Variants in DMAP1 observed in about 807,000 individuals in gnomAD.
DMAP1 encodes DNA methyltransferase 1 associated protein 1, also known as DNA methyltransferase 1-associated protein 1.
DMAP1 carries 26 observed loss-of-function variants against 52.7 expected under a neutral mutation model. The ratio of observed to expected loss-of-function variants is 0.49; its 90% confidence interval spans 0.36 to 0.68. The LOEUF is 0.68. DMAP1 is among the 30% of genes least tolerant of loss of function. DMAP1 has a pLI of 0.00. For synonymous variants in DMAP1, 231 were observed against 246.0 expected (o/e 0.94, Z 0.57); for missense variants, 439 against 625.2 (o/e 0.70, Z 3.18).
intron 9 of DMAP1, 42 bp from the exon 10 acceptor site, chr1:44,220,517 C>T (rs371787882): frequency 1.2e-6 from 2 of 1,614,038 alleles, no homozygotes; most frequent in African/African-American, 1.3e-5. Context: ...TGACTCAGGC[C>T]TTGGGGGGTC....
chr1:44,217,459 A>AC (rs1643817837), intron 3 of DMAP1: 1 of 152,204 alleles, frequency 6.6e-6, no homozygotes, highest in African/African-American at 2.4e-5. Context: ...GAAGGGGAGG[A>AC]GTCAAGGGGA....
intron 3 of DMAP1, chr1:44,217,878 G>A: frequency 3.8e-6 from 1 of 260,436 alleles, no homozygotes; most frequent in South Asian, 4.6e-5. Context: ...AACTCTGGGG[G>A]AGTGGCAAGT....
intron 1 of DMAP1, among the ~76,000 whole-genome samples, 193 bp from the exon 2 acceptor site, chr1:44,214,156 TG>T (rs1450282402): frequency 1.3e-5 from 2 of 151,990 alleles, no homozygotes; most frequent in African/African-American, 2.4e-5. Flanking sequence ...TGAGAGTTGG[TG>T]GGATGGGGAG....
chr1:44,219,740 T>A, intron 7 of DMAP1, 66 bp from the exon 8 acceptor site: 1 of 1,579,556 alleles, frequency 6.3e-7, no homozygotes, highest in South Asian at 1.1e-5. Flanking sequence ...TCCCTCTGCC[T>A]TTTGTCCCCT....
In DMAP1 at chr1:44,213,677, C is replaced by T; in HGVS notation, c.-77C>T. The T allele has an allele frequency of 7.1e-7, 1 of 1,401,456 alleles. No homozygotes were observed. Among genetic ancestry groups the T allele is most frequent in the Non-Finnish European group, 9.8e-7 (1 of 1,016,350 alleles). The allele number at this position is 1,401,456 out of a possible 1,614,324, so 86.8% of individuals were successfully genotyped here. A position where few individuals can be genotyped will look rare whatever the true frequency, so the allele number is the denominator to read the frequency against. On this transcript the variant is annotated 5_prime_UTR_variant, in exon 1 of 10. Coordinates refer to ENST00000372289, the MANE Select transcript of DMAP1 (RefSeq NM_019100.5). The surrounding 1 kb of genome is among the most constrained non-coding windows in gnomAD (Gnocchi z 4.5). ...CCTCCGCTTAGGTCTGGATTGGCCC[C>T]GCCCCCTGACCTGAGCCTGGTCCTT... is the stretch of plus-strand genomic sequence containing the variant.
rs1643754011 is a variant in DMAP1 at position 44,214,746 on chromosome 1, C to T, written c.241C>T (p.Arg81Cys). The T allele has an allele frequency of 7.4e-6, 12 of 1,613,722 alleles. No homozygotes were observed. Among genetic ancestry groups the T allele is most frequent in the Admixed American group, 1.7e-5 (1 of 60,000 alleles). Residue 81 changes from arginine (R) to cysteine (C), a missense_variant, in exon 3 of 10, where the codon CGT becomes TGT. By Grantham distance (180) the Arg-to-Cys change is radical. Around this residue, in one of 3 missense-constraint regions of DMAP1, gnomAD observed 118 missense variants for 189.8 expected, o/e 0.62. Coordinates refer to ENST00000372289, the MANE Select transcript of DMAP1 (RefSeq NM_019100.5). ...ACCCAGTGACACTGGCCAGGGATAC[C>T]GTACAGTGAAGGCCAAGTTGGGCTC... ...LLPSDTGQGY[R>C]TVKAKLGSKK...
rs765869837 is a variant in DMAP1, at chr1:44,219,196, G to T, written c.861G>T (p.Lys287Asn). The T allele has an allele frequency of 6.2e-7, 1 of 1,613,912 alleles. No individual in the cohort carries two copies. Among genetic ancestry groups the T allele is most frequent in the Non-Finnish European group, 8.5e-7 (1 of 1,179,976 alleles). The part of the protein sequence containing the change: ...TTAEQRRTER[K>N]APKKKLPQKK... Reference sequence around the variant, plus strand: ...CAGAGCAGCGGCGCACGGAACGCAAGGCCCCCAAAAAGAAGCTACCCCAGA... The same window carrying T: ...CAGAGCAGCGGCGCACGGAACGCAATGCCCCCAAAAAGAAGCTACCCCAGA... The change falls in exon 6 of 10, where the codon AAG becomes AAT. Residue 287 changes from lysine to asparagine, a missense_variant. By Grantham distance (94) the Lys-to-Asn change is moderately conservative. This residue lies in a region of DMAP1 where 179 missense variants were observed against 285.9 expected (regional missense o/e 0.63). Coordinates refer to ENST00000372289, the MANE Select transcript of DMAP1 (RefSeq NM_019100.5).
Position 44,218,246 on chromosome 1 carries a change from G to T in DMAP1, c.394-65G>T. Reference sequence around the variant, plus strand: ...AACAGGAGCAGCTGTGGTCACTGGGGCCTGGAGCCTGCTGGACATGACATC... The same window carrying T: ...AACAGGAGCAGCTGTGGTCACTGGGTCCTGGAGCCTGCTGGACATGACATC... On this transcript the variant is annotated intron_variant, in intron 3 of 9. Coordinates refer to ENST00000372289, the MANE Select transcript of DMAP1 (RefSeq NM_019100.5). This position sits in a 1 kb window ranked among gnomAD's most constrained non-coding sequence, Gnocchi z 5.6. 1.2e-6 allele frequency: 2 copies of T among 1,609,456 alleles called. No individual in the cohort carries two copies. The highest frequency in any genetic ancestry group is 8.5e-7 in the Non-Finnish European group (1 of 1,175,808).
chr1:44,218,521 C>T lies in DMAP1; in HGVS notation c.552+52C>T. 1 of 1,609,588 alleles carries T rather than the reference C, an allele frequency of 6.2e-7. No individual in the cohort carries two copies. Among genetic ancestry groups the T allele is most frequent in the Non-Finnish European group, 8.5e-7 (1 of 1,176,404 alleles). ...GCCCAGCTTCTGGGTCTAGCAGGCC[C>T]TACTTTTATGCCATCTCTTCCACAT... On this transcript the variant is annotated intron_variant, in intron 4 of 9. Transcript: ENST00000372289. This position sits in a 1 kb window ranked among gnomAD's most constrained non-coding sequence, Gnocchi z 5.6.
chr1:44,217,140 T>C (rs865808375), intron 3 of DMAP1: 2 of 152,244 alleles, frequency 1.3e-5, no homozygotes, highest in African/African-American at 2.4e-5. Context: ...TTCTTCATAT[T>C]AGATTCAACA....
In DMAP1 at chr1:44,213,614, G is replaced by A; in HGVS notation, c.-140G>A. On this transcript the variant is annotated 5_prime_UTR_variant, in exon 1 of 10. Transcript: ENST00000372289. This position sits in a 1 kb window ranked among gnomAD's most constrained non-coding sequence, Gnocchi z 4.5. The stretch of plus-strand genomic sequence containing the variant: ...CACAGGCAGATCCCCGACCTGACCT[G>A]GACCACCCTTCTCCTCTTGGCCCGC... The A allele has an allele frequency of 1.4e-6, 1 of 715,564 alleles. No homozygotes were observed. Among genetic ancestry groups the A allele is most frequent in the South Asian group, 1.8e-5 (1 of 55,004 alleles). 44.3% of individuals were successfully genotyped at this position (715,564 alleles called of 1,614,324 possible).
intron 3 of DMAP1, chr1:44,217,704 T>C (rs1643822479): frequency 1.0e-5 from 2 of 190,580 alleles, no homozygotes; most frequent in African/African-American, 4.6e-5. Flanking sequence ...TGATGTAGTC[T>C]AGCACTGACT....
intron 3 of DMAP1, 71 bp downstream of exon 3, chr1:44,214,969 G>A: frequency 6.3e-7 from 1 of 1,577,254 alleles, no homozygotes; most frequent in East Asian, 2.3e-5. Flanking sequence ...GAGCTCTCCA[G>A]TCTCCTAGGG....
chr1:44,215,231 A>G (rs922726546), intron 3 of DMAP1: 2 of 490,334 alleles, frequency 4.1e-6, no homozygotes, highest in Non-Finnish European at 8.0e-6. Context: ...TACCCTCTCT[A>G]CAAGTCACCA....
At position 44,213,888 on chromosome 1, in the gene DMAP1, G is replaced by A; in HGVS notation, c.105+30G>A. The A allele has an allele frequency of 4.5e-6, 7 of 1,547,490 alleles. No individual in the cohort carries two copies. Among genetic ancestry groups the A allele is most frequent in the Non-Finnish European group, 6.1e-6 (7 of 1,142,022 alleles). Reference sequence around the variant, plus strand: ...CAGGGGCACCTGAAAGCGTTGACTAGGGGAGGGTAGGGGAGTGAAGATGGG... The same window carrying A: ...CAGGGGCACCTGAAAGCGTTGACTAAGGGAGGGTAGGGGAGTGAAGATGGG... On this transcript the variant is annotated intron_variant, in intron 1 of 9. Transcript: ENST00000372289. The surrounding 1 kb of genome is among the most constrained non-coding windows in gnomAD (Gnocchi z 4.5).
intron 3 of DMAP1, chr1:44,217,332 G>A (rs1010982034): frequency 6.6e-6 from 1 of 152,296 alleles, no homozygotes; most frequent in Non-Finnish European, 1.5e-5. Context: ...CGGATTGAAT[G>A]TGGGCAGAGA....
chr1:44,218,185 C>A lies in DMAP1; in HGVS notation c.394-126C>A. 1 of 1,291,968 alleles carries A rather than the reference C, an allele frequency of 7.7e-7. No homozygotes were observed. Among genetic ancestry groups the A allele is most frequent in the Non-Finnish European group, 1.1e-6 (1 of 889,032 alleles). The allele number at this position is 1,291,968 out of a possible 1,614,324, so 80.0% of individuals were successfully genotyped here. On this transcript the variant is annotated intron_variant, in intron 3 of 9. Transcript: ENST00000372289. This position sits in a 1 kb window ranked among gnomAD's most constrained non-coding sequence, Gnocchi z 5.6. ...AAGCAGACAAGTTCTTTCCTCACTC[C>A]ATGCTGCAGGGGCACAGGCCCAGGG... is the stretch of plus-strand genomic sequence containing the variant.
At chr1:44,215,227 C>G (rs761436995) in intron 3 of DMAP1, 3 of 495,116 alleles carry the variant, frequency 6.1e-6, no homozygotes, top group East Asian at 1.1e-4. Context: ...CAGTTACCCT[C>G]TCTACAAGTC....
rs771363568 is a variant in DMAP1, at chr1:44,219,505, T to G, written c.978+28T>G. 3.9e-6 allele frequency: 6 copies of G among 1,550,570 alleles called. No homozygotes were observed. The South Asian group carries it at 7.6e-5, about 20-fold the overall frequency. On this transcript the variant is annotated intron_variant, in intron 7 of 9. Transcript: ENST00000372289. Reference sequence around the variant, plus strand: ...ACGTGAGTCACCTCCTTTAGCAAGTTTGGGTCCTGGGCTCTGCTCTGGGCT... The same window carrying G: ...ACGTGAGTCACCTCCTTTAGCAAGTGTGGGTCCTGGGCTCTGCTCTGGGCT...
Sources: allele counts gnomAD v4.1 joint callset (sites outside exome capture counted in the v4.1 genomes callset), GRCh38; gene constraint gnomAD v4.1.1; regional missense constraint gnomAD v4.1.1; non-coding constraint Gnocchi (gnomAD v3.1); transcripts MANE v1.5; gene names NCBI Gene and HGNC (gene_info 2026-07-23, HGNC 2026-07-21).